Variants in RAP1GAP observed in about 807,000 individuals in gnomAD.
RAP1GAP encodes the protein rap1 GTPase-activating protein 1.
A neutral mutation model predicts 87.2 loss-of-function variants in RAP1GAP; 35 were observed. The observed-to-expected ratio is 0.40, with a 90% CI of 0.31 to 0.53. RAP1GAP has a LOEUF of 0.53. RAP1GAP is among the 20% of genes least tolerant of loss of function. The pLI, the probability that RAP1GAP is intolerant of heterozygous loss-of-function variation, is 0.48. For missense variants in RAP1GAP, 734 were observed against 898.9 expected, an observed-to-expected ratio of 0.82 and a Z score of 2.35; for synonymous variants, 375 against 363.9, an observed-to-expected ratio of 1.03 and a Z score of -0.35.
At chr1:21,614,161 G>T in intron 7 of RAP1GAP, 72 bp from the exon 8 acceptor site, 1 of 1,045,226 alleles carries the variant, frequency 9.6e-7, no homozygotes, top group Non-Finnish European at 1.4e-6. Flanking sequence ...AGGCCAGAAA[G>T]CCAACCCACT....
chr1:21,611,960 GA>G, intron 11 of RAP1GAP, 65 bp downstream of exon 11: 1 of 1,485,854 alleles, frequency 6.7e-7, no homozygotes, highest in Non-Finnish European at 9.3e-7. Context: ...TGCTGCCCTG[GA>G]AAAGGTGTGA....
At chr1:21,601,307 G>A (rs2068198221) in intron 20 of RAP1GAP, among the ~76,000 whole-genome samples, 1 of 148,872 alleles carries the variant, frequency 6.7e-6, no homozygotes, top group Admixed American at 6.6e-5. Context: ...GTCACCCCAT[G>A]GAGGTGTCTC....
intron 2 of RAP1GAP, among the ~76,000 whole-genome samples, chr1:21,632,435 G>A (rs1045446054): frequency 4.6e-5 from 7 of 152,202 alleles, no homozygotes; most frequent in African/African-American, 1.7e-4. Context: ...ATGGAGATAA[G>A]GCAGTCACTA....
intron 3 of RAP1GAP, 33 bp from the exon 4 acceptor site, chr1:21,620,083 T>C (rs780262452): frequency 1.3e-5 from 21 of 1,608,726 alleles, no homozygotes; most frequent in Non-Finnish European, 1.8e-5. Flanking sequence ...CGAGGTCAGC[T>C]GATCCCGCCA....
In RAP1GAP at chr1:21,634,603, C is replaced by T. The variant is rs2150924063; in HGVS notation, c.-112-8206G>A. 6.6e-6 allele frequency among the ~76,000 whole-genome samples: 1 copy of T among 152,304 alleles called. No homozygotes were observed. The highest frequency in any genetic ancestry group is 6.5e-5 in the Admixed American group (1 of 15,312). On this transcript the variant is annotated intron_variant, in intron 2 of 24. Transcript: ENST00000374765. The surrounding 1 kb of genome is among the most constrained non-coding windows in gnomAD (Gnocchi z 4.1). ...AGGAAGGTGGCACATGGGGCCGCCA[C>T]CCTCGCCCCATGCTGGCTGCATGCC...
Position 21,609,498 on chromosome 1 carries a change from A to G in RAP1GAP, c.1071+77T>C. 1 of 848,626 alleles carries G rather than the reference A, an allele frequency of 1.2e-6. No individual in the cohort carries two copies. 52.6% of individuals were successfully genotyped at this position (848,626 alleles called of 1,614,324 possible). Reference sequence around the variant, plus strand: ...TACAATGAGACTTTGGGACCTCATAAGGCAGAATGTGTATGCACCCCCCAG... The same window carrying G: ...TACAATGAGACTTTGGGACCTCATAGGGCAGAATGTGTATGCACCCCCCAG... On this transcript the variant is annotated intron_variant, in intron 15 of 24. Transcript: ENST00000374765. This position sits in a 1 kb window ranked among gnomAD's most constrained non-coding sequence, Gnocchi z 4.4.
chr1:21,652,127 C>T (rs1215250676), intron 1 of RAP1GAP, among the ~76,000 whole-genome samples: 2 of 149,560 alleles, frequency 1.3e-5, no homozygotes, highest in African/African-American at 4.9e-5. Flanking sequence ...GCCGCCGCCC[C>T]CCGTCCAGGC....
At chr1:21,605,857 A>G (rs185844973) in intron 18 of RAP1GAP, among the ~76,000 whole-genome samples, 232 of 152,330 alleles carry the variant, frequency 1.5e-3, no homozygotes, top group Non-Finnish European at 2.4e-3. Context: ...AAGGGGCTGC[A>G]GGCTGCAAGC....
Position 21,602,873 on chromosome 1 carries a change from G to C in RAP1GAP, c.1469C>G (p.Ser490Trp). ...GCTGCGGCGGGAGCCGAACGGGCCCGACTTCTTCCTCGTGGGGCTCTTCCC... is the reference window on the plus strand; with the variant it reads ...GCTGCGGCGGGAGCCGAACGGGCCCCACTTCTTCCTCGTGGGGCTCTTCCC... ...VPGKSPTRKKSGPFGSRRSSA... is the reference protein window; with the variant it reads ...VPGKSPTRKKWGPFGSRRSSA... Residue 490 changes from serine (S) to tryptophan (W), a missense_variant, in exon 19 of 25, where the codon TCG becomes TGG. This residue lies in a region of RAP1GAP where 249 missense variants were observed against 252.7 expected (regional missense o/e 0.99). Coordinates refer to ENST00000374765, the MANE Select transcript of RAP1GAP (RefSeq NM_002885.4). The C allele has an allele frequency of 6.2e-7, 1 of 1,609,794 alleles. No homozygotes were observed. Among genetic ancestry groups the C allele is most frequent in the Non-Finnish European group, 8.5e-7 (1 of 1,179,612 alleles).
Position 21,656,424 on chromosome 1 carries a change from A to AC in RAP1GAP, c.-148-6629_-148-6628insG, listed in dbSNP as rs1558909307. Among the ~76,000 whole-genome samples, 3 of 137,424 alleles carry AC rather than the reference A, an allele frequency of 2.2e-5. 1 individual carries two copies. 90.2% of individuals were successfully genotyped at this position (137,424 alleles called of 152,430 possible). On this transcript the variant is annotated intron_variant, in intron 1 of 24. Transcript: ENST00000374765. ...ACATAGCAAGACTCCATCTAAAAAA[A>AC]AAAAAAAAAAAAAAAAAAAAAAAAA...
chr1:21,621,471 T>G (rs945642361), intron 3 of RAP1GAP, among the ~76,000 whole-genome samples: 1 of 152,178 alleles, frequency 6.6e-6, no homozygotes, highest in African/African-American at 2.4e-5. Context: ...ATGTGCACAC[T>G]GTGAGGCCTG....
At chr1:21,636,226 G>A (rs768059030) in intron 2 of RAP1GAP, among the ~76,000 whole-genome samples, 2 of 152,216 alleles carry the variant, frequency 1.3e-5, no homozygotes, top group African/African-American at 4.8e-5. Flanking sequence ...CCTTGAGTGC[G>A]AATCCTAACT....
chr1:21,633,407 C>A (rs2094146518), intron 2 of RAP1GAP, among the ~76,000 whole-genome samples: 1 of 152,184 alleles, frequency 6.6e-6, no homozygotes, highest in Non-Finnish European at 1.5e-5. Context: ...GCTGGGGGTG[C>A]CTTCTCCTGC....
chr1:21,606,167 C>A lies in RAP1GAP; in HGVS notation c.1327G>T (p.Asp443Tyr). ...TTCTTGTTGCTCAGCCCCATGGCAT[C>A]CATGGACTGGCTGCGGCTCCGGATG... ...RVIRSRSQSM[D>Y]AMGLSNKKPN... is the part of the protein sequence containing the mutation. Residue 443 changes from aspartate to tyrosine, a missense_variant, in exon 18 of 25, where the codon GAT (aspartate) becomes TAT (tyrosine). Coordinates refer to ENST00000374765, the MANE Select transcript of RAP1GAP (RefSeq NM_002885.4). 6.3e-7 allele frequency: 1 copy of A among 1,586,632 alleles called. No individual in the cohort carries two copies. The highest frequency in any genetic ancestry group is 1.1e-5 in the South Asian group (1 of 87,004).
chr1:21,636,457 C>T (rs2094681014), intron 2 of RAP1GAP, among the ~76,000 whole-genome samples: 1 of 152,128 alleles, frequency 6.6e-6, no homozygotes, highest in African/African-American at 2.4e-5. Flanking sequence ...GACAAGACTC[C>T]TAGGTGGAAG....
rs756978959 is a variant in RAP1GAP at position 21,601,741 on chromosome 1, G to C, written c.1595C>G (p.Pro532Arg). 1.3e-5 allele frequency: 21 copies of C among 1,611,994 alleles called. No homozygotes were observed. In the South Asian group the frequency reaches 2.3e-4, roughly 18 times the overall value. Residue 532 changes from proline (P) to arginine (R), a missense_variant, in exon 20 of 25, where the codon CCC becomes CGC. Around this residue, in one of 2 missense-constraint regions of RAP1GAP, gnomAD observed 249 missense variants for 252.7 expected, o/e 0.99. Coordinates refer to ENST00000374765, the MANE Select transcript of RAP1GAP (RefSeq NM_002885.4). ...CTGAGTGGATGAGTTCTCCGACTTGGGCTCCTGTGAGACGTGCCCGCTGTC... is the reference window on the plus strand; with the variant it reads ...CTGAGTGGATGAGTTCTCCGACTTGCGCTCCTGTGAGACGTGCCCGCTGTC... Reference protein sequence around the residue: ...TPDSGHVSQEPKSENSSTQSS... With the variant: ...TPDSGHVSQERKSENSSTQSS...
chr1:21,609,579 C>T lies in RAP1GAP; in HGVS notation c.1067G>A (p.Arg356Lys). The change falls in exon 15 of 25, where the codon AGG becomes AAG. Residue 356 changes from arginine (R) to lysine (K), a missense_variant. Coordinates refer to ENST00000374765, the MANE Select transcript of RAP1GAP (RefSeq NM_002885.4). The surrounding 1 kb of genome is among the most constrained non-coding windows in gnomAD (Gnocchi z 4.4). The part of the protein sequence containing the change: ...GPPLPDPAVF[R>K]KGPEFQEFLL... The stretch of plus-strand genomic sequence containing the variant: ...GACTGGGGGGGTGCCCCTCACCTTC[C>T]TGAACACAGCGGGGTCCGGGAGGGG... 1.3e-6 allele frequency: 2 copies of T among 1,559,904 alleles called. No individual in the cohort carries two copies. Among genetic ancestry groups the T allele is most frequent in the South Asian group, 1.3e-5 (1 of 79,704 alleles).
chr1:21,656,610 C>T (rs2096878099), intron 1 of RAP1GAP, among the ~76,000 whole-genome samples: 1 of 152,132 alleles, frequency 6.6e-6, no homozygotes, highest in Non-Finnish European at 1.5e-5. Context: ...TTCCCCAGCC[C>T]CTGGGAAGGG....
intron 5 of RAP1GAP, among the ~76,000 whole-genome samples, chr1:21,618,486 G>C (rs935757848): frequency 5.3e-5 from 8 of 152,084 alleles, no homozygotes; most frequent in African/African-American, 1.7e-4. Flanking sequence ...AAAAACAAGA[G>C]CCTCCCCCTC....
Sources: gnomAD v4.1 joint callset for allele counts (sites outside exome capture counted in the v4.1 genomes callset) on GRCh38, gnomAD v4.1.1 for gene constraint, gnomAD v4.1.1 regional missense constraint, Gnocchi (gnomAD v3.1) non-coding constraint, MANE v1.5 for transcripts, NCBI Gene and HGNC (gene_info 2026-07-23, HGNC 2026-07-21) for gene names.